The following STAG1 variants were observed in gnomAD, a reference collection of about 807,000 sequenced individuals.
The protein encoded by STAG1 is cohesin subunit SA-1.
A neutral mutation model predicts 170.9 loss-of-function variants in STAG1; 26 were observed. The ratio of observed to expected loss-of-function variants is 0.15; its 90% CI spans 0.11 to 0.21. The LOEUF is 0.21. Among genes scored for constraint, STAG1 ranks in the 10% least tolerant of loss-of-function variants. The pLI is 1.00. For synonymous variants in STAG1, 514 were observed against 497.7 expected, an observed-to-expected ratio of 1.03 and a Z score of -0.44; for missense variants, 964 against 1,509.5, an observed-to-expected ratio of 0.64 and a Z score of 5.99.
At chr3:136,356,942 TTTTTA>T (rs1239775712) in intron 28 of STAG1, among the ~76,000 whole-genome samples, 3 of 150,666 alleles carry the variant, frequency 2.0e-5, no homozygotes, top group African/African-American at 7.3e-5. Flanking sequence ...TTTTTTAAAT[TTTTTA>T]TTTTATTTTA....
intron 27 of STAG1, among the ~76,000 whole-genome samples, chr3:136,358,793 C>T (rs748035690): frequency 5.9e-5 from 9 of 152,016 alleles, no homozygotes; most frequent in Non-Finnish European, 1.2e-4. Context: ...AGGCTAGTCT[C>T]GAACTCCTGG....
intron 5 of STAG1, among the ~76,000 whole-genome samples, chr3:136,542,965 T>C (rs534776109): frequency 1.3e-5 from 2 of 152,158 alleles, no homozygotes; most frequent in Non-Finnish European, 2.9e-5. Flanking sequence ...TACTCTTTAT[T>C]GACTCTCAAA....
At chr3:136,446,461 C>T (rs556911006) in intron 14 of STAG1, among the ~76,000 whole-genome samples, 58 of 152,032 alleles carry the variant, frequency 3.8e-4, no homozygotes, top group African/African-American at 1.2e-3. Context: ...CTCACTCTGT[C>T]GCCCAGCCTG....
At chr3:136,652,507 C>T (rs772408570) in intron 1 of STAG1, among the ~76,000 whole-genome samples, 6 of 152,154 alleles carry the variant, frequency 3.9e-5, no homozygotes, top group Admixed American at 2.0e-4. Context: ...ACTACAAAGA[C>T]GCCTATTACC....
chr3:136,435,610 T>G (rs939940637), intron 15 of STAG1, among the ~76,000 whole-genome samples: 7 of 152,208 alleles, frequency 4.6e-5, no homozygotes, highest in African/African-American at 1.4e-4. Flanking sequence ...TTTTGAGATC[T>G]TAAGTCATTT....
chr3:136,567,427 T>A (rs554020629), intron 5 of STAG1, among the ~76,000 whole-genome samples: 2 of 152,344 alleles, frequency 1.3e-5, no homozygotes, highest in Admixed American at 1.3e-4. Context: ...TCTTAAGGTC[T>A]TTTTGCATAA....
chr3:136,458,329 A>T (rs542441316), intron 13 of STAG1, among the ~76,000 whole-genome samples: 169 of 152,146 alleles, frequency 1.1e-3, no homozygotes, highest in Non-Finnish European at 1.7e-3. Flanking sequence ...GCTGATTTTT[A>T]TATTTTTAGC....
At chr3:136,428,612 T>C (rs1576456524) in intron 16 of STAG1, among the ~76,000 whole-genome samples, 1 of 152,262 alleles carries the variant, frequency 6.6e-6, no homozygotes, top group Non-Finnish European at 1.5e-5. Context: ...TGATAGAATA[T>C]GATGGAAGTC....
At chr3:136,630,813 T>C (rs1940303691) in intron 2 of STAG1, 57 bp downstream of exon 2, 1 of 1,227,956 alleles carries the variant, frequency 8.1e-7, no homozygotes, top group Non-Finnish European at 1.2e-6. Flanking sequence ...GATAAAGAAA[T>C]AAGTTGTCCA....
At chr3:136,708,204 T>C (rs554163583) in intron 1 of STAG1, among the ~76,000 whole-genome samples, 52 of 152,254 alleles carry the variant, frequency 3.4e-4, no homozygotes, top group African/African-American at 1.0e-3. Flanking sequence ...TAAATGTTAA[T>C]AGCAGCATTA....
chr3:136,609,779 G>A (rs1265013002), intron 3 of STAG1, among the ~76,000 whole-genome samples: 1 of 152,040 alleles, frequency 6.6e-6, no homozygotes, highest in African/African-American at 2.4e-5. Flanking sequence ...GTTTTTAAGA[G>A]GTGAAATCAT....
At chr3:136,554,298 A>G (rs1936522184) in intron 5 of STAG1, among the ~76,000 whole-genome samples, 1 of 152,190 alleles carries the variant, frequency 6.6e-6, no homozygotes, top group Admixed American at 6.5e-5. Context: ...ACATAAATCT[A>G]CAACCATGAT....
intron 15 of STAG1, among the ~76,000 whole-genome samples, chr3:136,434,730 T>C (rs1322874210): frequency 1.3e-5 from 2 of 152,210 alleles, no homozygotes; most frequent in Non-Finnish European, 1.5e-5. Context: ...AAGATCTCTC[T>C]GTCCTGCAGA....
At chr3:136,725,449 A>T (rs1333543785) in intron 1 of STAG1, among the ~76,000 whole-genome samples, 1 of 152,210 alleles carries the variant, frequency 6.6e-6, no homozygotes, top group Non-Finnish European at 1.5e-5. Flanking sequence ...TTTGGCACTG[A>T]AAAGTTATTA....
intron 1 of STAG1, among the ~76,000 whole-genome samples, chr3:136,652,388 T>C (rs1941247841): frequency 6.6e-6 from 1 of 152,252 alleles, no homozygotes; most frequent in Non-Finnish European, 1.5e-5. Flanking sequence ...CAAGAACACA[T>C]TTTAAGTGAT....
intron 10 of STAG1, 102 bp from the exon 11 acceptor site, chr3:136,473,739 T>C: frequency 1.3e-6 from 1 of 792,634 alleles, no homozygotes; most frequent in Non-Finnish European, 2.1e-6. Flanking sequence ...TTTGACTTAC[T>C]GCATATTGTA....
intron 6 of STAG1, among the ~76,000 whole-genome samples, chr3:136,526,226 A>C (rs1241364643): frequency 6.6e-6 from 1 of 152,086 alleles, no homozygotes; most frequent in African/African-American, 2.4e-5. Flanking sequence ...ATTGTGTGGG[A>C]GTCTAAATCT....
At chr3:136,525,869 GGAGCAGGTTGTTTAGTTTCCATGTAGTT>G (rs1201808633) in intron 6 of STAG1, among the ~76,000 whole-genome samples, 7 of 152,304 alleles carry the variant, frequency 4.6e-5, no homozygotes, top group African/African-American at 1.4e-4. Context: ...TAGTCATTCA[GGAGCAGGTTGTTTAGTTTCCATGTAGTT>G]GAGCAGTTTT....
chr3:136,526,019 T>C (rs564783347), intron 6 of STAG1, among the ~76,000 whole-genome samples: 1 of 152,342 alleles, frequency 6.6e-6, no homozygotes, highest in African/African-American at 2.4e-5. Flanking sequence ...CTTCCAACTA[T>C]GTGGTCAATT....
Sources: gnomAD v4.1 joint callset for allele counts (sites outside exome capture counted in the v4.1 genomes callset) on GRCh38, gnomAD v4.1.1 for gene constraint, MANE v1.5 for transcripts, NCBI Gene and HGNC (gene_info 2026-07-23, HGNC 2026-07-21) for gene names.